The following TET3 variants were observed in gnomAD, a reference collection of about 807,000 sequenced individuals.
TET3 encodes the protein methylcytosine dioxygenase TET3.
TET3 carries 19 observed loss-of-function variants against 141.4 expected under a neutral mutation model. The ratio of observed to expected loss-of-function variants is 0.13; its 90% CI spans 0.09 to 0.20. The LOEUF (loss-of-function observed/expected upper bound fraction) is 0.20, where lower values mean the gene tolerates loss of function less well. Among genes scored for constraint, TET3 ranks in the 10% least tolerant of loss-of-function variants. TET3 has a pLI of 1.00. For missense variants in TET3, 1,874 were observed against 2,356.9 expected (o/e 0.80, Z 4.24); for synonymous variants, 1,043 against 980.9 (o/e 1.06, Z -1.18).
chr2:74,075,520 G>A (rs1689456367), intron 5 of TET3, among the ~76,000 whole-genome samples: 1 of 151,420 alleles, frequency 6.6e-6, no homozygotes, highest in Non-Finnish European at 1.5e-5. Flanking sequence ...ATAGAGACGG[G>A]GTTTCACCAT....
At chr2:74,132,822 G>C in the TET3 span, among the ~76,000 whole-genome samples, 1 of 152,222 alleles carries the variant, frequency 6.6e-6, no homozygotes, top group African/African-American at 2.4e-5. Flanking sequence ...GGGAGACCCA[G>C]TGGCACTGGT....
intron 2 of TET3, among the ~76,000 whole-genome samples, chr2:73,988,303 G>A (rs1016785254): frequency 1.1e-4 from 17 of 152,070 alleles, no homozygotes; most frequent in Admixed American, 9.8e-4. Context: ...ATTCCTTTGC[G>A]CCTTTCCTTC....
At chr2:74,074,522 C>A (rs755060627) in intron 5 of TET3, among the ~76,000 whole-genome samples, 1 of 152,186 alleles carries the variant, frequency 6.6e-6, no homozygotes, top group Non-Finnish European at 1.5e-5. Context: ...ATGTGCGTGT[C>A]CACGGCAGGT....
the TET3 span, among the ~76,000 whole-genome samples, chr2:74,119,246 C>T: frequency 6.6e-6 from 1 of 151,086 alleles, no homozygotes; most frequent in African/African-American, 2.4e-5. Context: ...CCAGATACTT[C>T]GGAGGCTGAG....
intron 3 of TET3, among the ~76,000 whole-genome samples, chr2:74,011,338 C>T (rs1213064468): frequency 6.6e-6 from 1 of 152,014 alleles, no homozygotes; most frequent in African/African-American, 2.4e-5. Flanking sequence ...GTGTAATCAG[C>T]ACCTGGATCA....
intron 3 of TET3, among the ~76,000 whole-genome samples, chr2:74,028,600 G>A (rs1186945459): frequency 6.6e-6 from 1 of 152,114 alleles, no homozygotes; most frequent in Non-Finnish European, 1.5e-5. Context: ...TCACTGTTTT[G>A]TAGATGTTTA....
At chr2:74,067,032 T>A (rs1259313030) in intron 4 of TET3, among the ~76,000 whole-genome samples, 1 of 152,166 alleles carries the variant, frequency 6.6e-6, no homozygotes, top group African/African-American at 2.4e-5. Flanking sequence ...TGTGGTCTCC[T>A]AGCACCTATA....
At chr2:74,076,441 G>GTTTTTTTT (rs70965785) in intron 5 of TET3, among the ~76,000 whole-genome samples, 9 of 56,584 alleles carry the variant, frequency 1.6e-4, no homozygotes, top group East Asian at 7.5e-4. Context: ...ATTCCTCTGG[G>GTTTTTTTT]TTTTTTTTTT....
At chr2:74,028,649 T>C (rs528832261) in intron 3 of TET3, among the ~76,000 whole-genome samples, 171 of 152,368 alleles carry the variant, frequency 1.1e-3, no homozygotes, top group Non-Finnish European at 2.0e-3. Context: ...TATAGCTTTT[T>C]TATTGGTTAC....
upstream of TET3, among the ~76,000 whole-genome samples, chr2:73,984,046 C>G (rs1434726669): frequency 6.6e-6 from 1 of 152,276 alleles, no homozygotes; most frequent in Non-Finnish European, 1.5e-5. The surrounding 1 kb of genome is among the most constrained non-coding windows in gnomAD (Gnocchi z 5.6). Context: ...CCCCTTACCC[C>G]CTGCCTGGAA....
At position 73,986,289 on chromosome 2, in the gene TET3, C is replaced by A; in HGVS notation, c.-115C>A. On this transcript the variant is annotated 5_prime_UTR_variant, in exon 2 of 12. Coordinates refer to ENST00000409262, the MANE Select transcript of TET3 (RefSeq NM_001287491.2). ...ACGAGACTGAAGCCACTTGCCTTCA[C>A]CCTTGTAGACTCTTGACTGTTCTAG... 1.0e-6 allele frequency: 1 copy of A among 995,980 alleles called. No individual in the cohort carries two copies. The highest frequency in any genetic ancestry group is 1.3e-6 in the Non-Finnish European group (1 of 773,344). 61.7% of individuals were successfully genotyped at this position (995,980 alleles called of 1,614,324 possible).
chr2:74,003,198 G>T, intron 3 of TET3, 32 bp downstream of exon 3: 1 of 1,403,676 alleles, frequency 7.1e-7, no homozygotes, highest in Non-Finnish European at 9.8e-7. Flanking sequence ...GTGTGTGTGC[G>T]TGTGTGTGGT....
chr2:74,058,775 C>T (rs1388866289), intron 4 of TET3, among the ~76,000 whole-genome samples: 1 of 152,156 alleles, frequency 6.6e-6, no homozygotes, highest in East Asian at 1.9e-4. Flanking sequence ...GCACGTGGCA[C>T]CCAATCCCCT....
chr2:74,082,916 CCA>C (rs1689913825), intron 6 of TET3, among the ~76,000 whole-genome samples: 1 of 152,148 alleles, frequency 6.6e-6, no homozygotes, highest in African/African-American at 2.4e-5. Flanking sequence ...GTGCAGGCAT[CCA>C]GTGTCTCCTG....
intron 2 of TET3, chr2:73,993,309 C>G (rs1022601609): frequency 2.0e-5 from 3 of 152,256 alleles, no homozygotes; most frequent in African/African-American, 7.2e-5. Flanking sequence ...AGCCTCACTT[C>G]CACCTTGCTG....
chr2:74,127,810 G>A, the TET3 span, among the ~76,000 whole-genome samples: 1 of 152,034 alleles, frequency 6.6e-6, no homozygotes, highest in Non-Finnish European at 1.5e-5. Flanking sequence ...TATTTTAAGT[G>A]TGTGCTTCAG....
intron 3 of TET3, among the ~76,000 whole-genome samples, chr2:74,004,751 C>G (rs1685063766): frequency 1.3e-5 from 2 of 152,152 alleles, no homozygotes; most frequent in South Asian, 4.1e-4. Flanking sequence ...CAAGTTGGCT[C>G]TCACTACACA....
At chr2:74,082,461 C>A (rs779857158) in intron 6 of TET3, among the ~76,000 whole-genome samples, 1 of 152,128 alleles carries the variant, frequency 6.6e-6, no homozygotes, top group Non-Finnish European at 1.5e-5. Context: ...GGGAACAACT[C>A]GTGGGTGTCA....
intron 3 of TET3, among the ~76,000 whole-genome samples, chr2:74,013,655 A>G (rs1685583502): frequency 2.6e-5 from 4 of 151,638 alleles, no homozygotes; most frequent in Admixed American, 2.0e-4. Context: ...TGAAAATACA[A>G]AAAAAAATTA....
Sources: gnomAD v4.1 joint callset for allele counts (sites outside exome capture counted in the v4.1 genomes callset) on GRCh38, gnomAD v4.1.1 for gene constraint, Gnocchi (gnomAD v3.1) non-coding constraint, MANE v1.5 for transcripts, NCBI Gene and HGNC (gene_info 2026-07-23, HGNC 2026-07-21) for gene names.